The following LNX1 variants were observed in gnomAD, a reference collection of about 807,000 sequenced individuals.
LNX1 encodes ligand of numb-protein X 1.
LNX1 carries 54 observed loss-of-function variants against 68.4 expected under a neutral mutation model. That is an observed-to-expected ratio of 0.79 (90% confidence interval 0.63 to 0.99). The LOEUF is 0.99. LNX1 is among the 50% of genes least tolerant of loss of function. LNX1 has a pLI of 0.00. For missense variants in LNX1, 906 were observed against 926.4 expected, an observed-to-expected ratio of 0.98 and a Z score of 0.29; for synonymous variants, 336 against 350.0, an observed-to-expected ratio of 0.96 and a Z score of 0.45.
At chr4:53,526,737 G>T (rs1478148254) in intron 2 of LNX1, among the ~76,000 whole-genome samples, 1 of 151,722 alleles carries the variant, frequency 6.6e-6, no homozygotes, top group Non-Finnish European at 1.5e-5. Flanking sequence ...TCAGGCTCAT[G>T]GTAAAATTAC....
chr4:53,557,994 G>A, intron 2 of LNX1: 2 of 1,612,758 alleles, frequency 1.2e-6, no homozygotes, highest in Non-Finnish European at 1.7e-6. Context: ...CCTTCTCCCT[G>A]GCCACCTTCT....
intron 2 of LNX1, among the ~76,000 whole-genome samples, chr4:53,508,595 A>G (rs986478300): frequency 2.0e-5 from 3 of 152,170 alleles, no homozygotes; most frequent in African/African-American, 7.2e-5. Context: ...TTGACCATGA[A>G]AGCCCTTAGT....
At chr4:53,630,315 C>T (rs1482862099) in intron 1 of LNX1, among the ~76,000 whole-genome samples, 2 of 152,020 alleles carry the variant, frequency 1.3e-5, no homozygotes, top group East Asian at 3.9e-4. Context: ...TTTGTAACCC[C>T]CAGATCAGGA....
intron 6 of LNX1, among the ~76,000 whole-genome samples, chr4:53,489,939 T>G (rs765407647): frequency 6.6e-6 from 1 of 152,164 alleles, no homozygotes; most frequent in African/African-American, 2.4e-5. Flanking sequence ...CTGGCAATTC[T>G]TACTGGCTCC....
chr4:53,579,241 C>G, intron 1 of LNX1: 1 of 983,574 alleles, frequency 1.0e-6, no homozygotes, highest in Non-Finnish European at 1.2e-6. Context: ...TGGATTGATT[C>G]CCTCCTTACG....
At chr4:53,469,360 T>C (rs1057079718) in intron 9 of LNX1, among the ~76,000 whole-genome samples, 1 of 152,162 alleles carries the variant, frequency 6.6e-6, no homozygotes, top group Non-Finnish European at 1.5e-5. Flanking sequence ...GGGAAATTTA[T>C]AGCACTGAAT....
chr4:53,622,621 A>G (rs1242770188), intron 1 of LNX1, among the ~76,000 whole-genome samples: 3 of 152,194 alleles, frequency 2.0e-5, no homozygotes, highest in African/African-American at 7.2e-5. Context: ...TCCTCTTATT[A>G]CAACAGGATA....
chr4:53,510,157 A>G lies in LNX1; in HGVS notation c.381-1930T>C, dbSNP rs115506292. On this transcript the variant is annotated intron_variant, in intron 2 of 10. Transcript: ENST00000263925. ...TGAGAACATTCAAAAAGGATTGCCTATTTCATGCCAAGCAACACAACCAAG... is the reference window on the plus strand; with the variant it reads ...TGAGAACATTCAAAAAGGATTGCCTGTTTCATGCCAAGCAACACAACCAAG... Among the ~76,000 whole-genome samples the G allele has an allele frequency of 8.9e-3, 1,349 of 152,330 alleles. 27 individuals are homozygous for G. The highest frequency in any genetic ancestry group is 0.031 in the African/African-American group (1,280 of 41,572).
chr4:53,462,053 G>A (rs1182988019), intron 9 of LNX1, among the ~76,000 whole-genome samples: 2 of 152,002 alleles, frequency 1.3e-5, no homozygotes, highest in Non-Finnish European at 2.9e-5. Flanking sequence ...AAATGAATTC[G>A]TATACTTTTT....
intron 9 of LNX1, among the ~76,000 whole-genome samples, chr4:53,472,271 G>A (rs1295979378): frequency 1.3e-5 from 2 of 152,104 alleles, no homozygotes; most frequent in Non-Finnish European, 2.9e-5. Context: ...CTCACTCATA[G>A]GTGGGAATTG....
chr4:53,554,517 C>T (rs1729752749), intron 2 of LNX1, among the ~76,000 whole-genome samples: 1 of 152,230 alleles, frequency 6.6e-6, no homozygotes, highest in Non-Finnish European at 1.5e-5. Context: ...GGCCAGAGGC[C>T]TCACCATCTC....
intron 1 of LNX1, among the ~76,000 whole-genome samples, chr4:53,646,320 G>A (rs1734881202): frequency 6.6e-6 from 1 of 152,160 alleles, no homozygotes; most frequent in South Asian, 2.1e-4. Context: ...AATGGAGAGA[G>A]CTCTTCCCTG....
chr4:53,480,684 C>T (rs1047229624), intron 7 of LNX1, among the ~76,000 whole-genome samples: 26 of 152,072 alleles, frequency 1.7e-4, no homozygotes, highest in South Asian at 1.0e-3. Flanking sequence ...GGCTGGAGAA[C>T]CTGGAGGGGT....
At chr4:53,613,918 C>T (rs1179939452) in intron 2 of LNX1, among the ~76,000 whole-genome samples, 6 of 152,212 alleles carry the variant, frequency 3.9e-5, no homozygotes, top group Non-Finnish European at 8.8e-5. Flanking sequence ...AATTTACATT[C>T]CCACCAATGG....
At chr4:53,651,511 C>A (rs1447913430) in intron 1 of LNX1, among the ~76,000 whole-genome samples, 1 of 152,142 alleles carries the variant, frequency 6.6e-6, no homozygotes, top group African/African-American at 2.4e-5. Flanking sequence ...CAGGAGAGTT[C>A]CAATTTCTAA....
At chr4:53,619,781 C>T (rs1232468262), upstream of LNX1, among the ~76,000 whole-genome samples, 2 of 152,176 alleles carry the variant, frequency 1.3e-5, no homozygotes, top group East Asian at 3.8e-4. Context: ...TTTCGATGAA[C>T]TGTCAAACTG....
intron 2 of LNX1, among the ~76,000 whole-genome samples, chr4:53,514,358 C>T (rs141726937): frequency 2.7e-4 from 41 of 152,184 alleles, no homozygotes; most frequent in African/African-American, 9.6e-4. Flanking sequence ...AAAGACATAC[C>T]CAAGACTGGG....
upstream of LNX1, among the ~76,000 whole-genome samples, chr4:53,595,182 C>T (rs1732693380): frequency 6.6e-6 from 1 of 152,100 alleles, no homozygotes; most frequent in Non-Finnish European, 1.5e-5. Context: ...CCAGACAGGG[C>T]AGTGGCATGG....
intron 2 of LNX1, among the ~76,000 whole-genome samples, chr4:53,572,689 T>G (rs1025060775): frequency 2.0e-5 from 3 of 152,154 alleles, no homozygotes; most frequent in African/African-American, 7.2e-5. Context: ...TCCAAGAACA[T>G]GACAATGTAA....
Sources: allele counts gnomAD v4.1 joint callset (sites outside exome capture counted in the v4.1 genomes callset), GRCh38; gene constraint gnomAD v4.1.1; transcripts MANE v1.5; gene names NCBI Gene and HGNC (gene_info 2026-07-23, HGNC 2026-07-21).